TBC1D2B: variants seen among roughly 807,000 people sequenced by gnomAD.
TBC1D2B encodes TBC1 domain family member 2B, also known as TBC1 domain family, member 2B.
In TBC1D2B, 64 loss-of-function variants were observed where a neutral mutation model predicts 100.8. The ratio of observed to expected loss-of-function variants is 0.64; its 90% CI spans 0.52 to 0.78. TBC1D2B has a LOEUF of 0.78. Among genes scored for constraint, TBC1D2B ranks in the 30% least tolerant of loss-of-function variants. The pLI is 0.00. For missense variants in TBC1D2B, 1,052 were observed against 1,218.4 expected (o/e 0.86, Z 2.03); for synonymous variants, 480 against 479.7 (o/e 1.00, Z -0.01).
At chr15:78,053,475 C>T (rs1248793401) in intron 2 of TBC1D2B, among the ~76,000 whole-genome samples, 2 of 152,178 alleles carry the variant, frequency 1.3e-5, no homozygotes, top group Admixed American at 1.3e-4. Flanking sequence ...GGATGGGCAG[C>T]AAATAATTGT....
intron 1 of TBC1D2B, among the ~76,000 whole-genome samples, chr15:78,056,686 C>CTTTTTTTTTTT (rs368714497): frequency 2.0e-4 from 23 of 112,916 alleles, no homozygotes; most frequent in African/African-American, 7.5e-4. Context: ...CAGTCCTCCT[C>CTTTTTTTTTTT]TTTTTTTTTT....
chr15:78,053,304 T>C (rs2073353960), intron 2 of TBC1D2B, among the ~76,000 whole-genome samples: 1 of 152,224 alleles, frequency 6.6e-6, no homozygotes, highest in Admixed American at 6.5e-5. Flanking sequence ...CCGTGTGTCT[T>C]CCAAAAATAC....
intron 1 of TBC1D2B, among the ~76,000 whole-genome samples, chr15:78,072,245 G>A (rs2073752587): frequency 6.6e-6 from 1 of 152,220 alleles, no homozygotes; most frequent in Non-Finnish European, 1.5e-5. Flanking sequence ...GCAGGAAATA[G>A]GATGGAGACT....
At chr15:78,023,865 T>C (rs1483557103) in intron 6 of TBC1D2B, among the ~76,000 whole-genome samples, 1 of 152,164 alleles carries the variant, frequency 6.6e-6, no homozygotes, top group South Asian at 2.1e-4. Context: ...ATACAAGGGA[T>C]AATGAAGTAC....
chr15:78,019,224 A>G (rs755986622), intron 6 of TBC1D2B, among the ~76,000 whole-genome samples: 1 of 152,250 alleles, frequency 6.6e-6, no homozygotes, highest in Non-Finnish European at 1.5e-5. Flanking sequence ...ACTAACATTT[A>G]CGGAGCACTT....
intron 1 of TBC1D2B, among the ~76,000 whole-genome samples, chr15:78,068,418 C>T (rs1021366191): frequency 6.6e-6 from 1 of 150,812 alleles, no homozygotes; most frequent in Non-Finnish European, 1.5e-5. Flanking sequence ...CACACACACA[C>T]ACAGAGGATA....
chr15:77,998,186 C>T lies in TBC1D2B; in HGVS notation c.2866G>A (p.Val956Ile), dbSNP rs1236380215. 1 of 1,552,352 alleles carries T rather than the reference C, an allele frequency of 6.4e-7. No homozygotes were observed. Among genetic ancestry groups the T allele is most frequent in the Non-Finnish European group, 8.7e-7 (1 of 1,147,614 alleles). The change falls in exon 13 of 13, where the codon GTC (valine) becomes ATC (isoleucine). Residue 956 changes from valine to isoleucine, a missense_variant. Val to Ile is a conservative substitution (Grantham distance 29, BLOSUM62 3). Around this residue, in one of 4 missense-constraint regions of TBC1D2B, gnomAD observed 47 missense variants for 88.3 expected, o/e 0.53. Transcript: ENST00000300584. ...CAGGTATCCTCCTCCTCGTCACTGA[C>T]CAGCTCACCCTTGTCAGGGCTGGTG... ...RDTSPDKGEL[V>I]SDEEEDT
At chr15:78,006,320 C>T (rs981326300) in intron 10 of TBC1D2B, among the ~76,000 whole-genome samples, 11 of 152,234 alleles carry the variant, frequency 7.2e-5, no homozygotes, top group Admixed American at 3.9e-4. Flanking sequence ...CTTTACTGAC[C>T]CTCTAATCCC....
At chr15:78,030,809 T>C (rs1230784334) in intron 3 of TBC1D2B, among the ~76,000 whole-genome samples, 1 of 151,954 alleles carries the variant, frequency 6.6e-6, no homozygotes. Context: ...TAGAAAAAAA[T>C]AAAAAGGTAC....
Position 78,024,424 on chromosome 15 carries a change from T to C in TBC1D2B, c.1202A>G (p.Lys401Arg), listed in dbSNP as rs762638907. 6.2e-7 allele frequency: 1 copy of C among 1,614,066 alleles called. No homozygotes were observed. The highest frequency in any genetic ancestry group is 1.1e-5 in the South Asian group (1 of 91,090). The change falls in exon 6 of 13, where the codon AAG (lysine) becomes AGG (arginine). Residue 401 changes from lysine to arginine, a missense_variant. Physicochemically the swap from Lys to Arg is conservative, Grantham distance 26. Around this residue, in one of 4 missense-constraint regions of TBC1D2B, gnomAD observed 627 missense variants for 646.1 expected, o/e 0.97. Transcript: ENST00000300584. ...PKDTLELLHQ[K>R]DDQILGLTSQ... is the part of the protein sequence containing the mutation. ...GGTAAGGCCCAGAATCTGATCATCC[T>C]TTTGGTGCAGAAGCTCGAGCGTGTC...
In TBC1D2B at chr15:78,053,972, A is replaced by G. The variant is rs189508606; in HGVS notation, c.514+62T>C. The G allele has an allele frequency of 7.1e-4, 1,066 of 1,500,798 alleles. 5 individuals carry two copies. The highest frequency in any genetic ancestry group is 3.2e-3 in the Middle Eastern group (16 of 5,076). The allele number at this position is 1,500,798 out of a possible 1,614,324, so 93.0% of individuals were successfully genotyped here. A position where few individuals can be genotyped will look rare whatever the true frequency, so the allele number is the denominator to read the frequency against. ...TTCATTTTCATTCACTGCTAAGTTC[A>G]TATGTGGTATCGAATGGCTTACACA... is the stretch of plus-strand genomic sequence containing the variant. On this transcript the variant is annotated intron_variant, in intron 2 of 12. Coordinates refer to ENST00000300584, the MANE Select transcript of TBC1D2B (RefSeq NM_144572.2).
intron 2 of TBC1D2B, 44 bp from the exon 3 acceptor site, chr15:78,045,112 C>A: frequency 6.4e-7 from 1 of 1,557,680 alleles, no homozygotes; most frequent in African/African-American, 1.4e-5. Context: ...AAAGCTTCCA[C>A]ACGAAACTTG....
chr15:78,077,019 G>C (rs2073839044), intron 1 of TBC1D2B, among the ~76,000 whole-genome samples: 1 of 152,248 alleles, frequency 6.6e-6, no homozygotes, highest in South Asian at 2.1e-4. Context: ...GGAGACACCA[G>C]AGACTGGCCC....
At chr15:78,067,281 T>G (rs1007944820) in intron 1 of TBC1D2B, among the ~76,000 whole-genome samples, 1 of 152,142 alleles carries the variant, frequency 6.6e-6, no homozygotes, top group African/African-American at 2.4e-5. Context: ...GCAAAAATAA[T>G]GAATGCCTTC....
chr15:78,051,257 C>T (rs2073307358), intron 2 of TBC1D2B, among the ~76,000 whole-genome samples: 1 of 152,198 alleles, frequency 6.6e-6, no homozygotes, highest in African/African-American at 2.4e-5. Flanking sequence ...ATGATATCAT[C>T]TCATATATAT....
At chr15:78,036,569 G>T (rs892286535) in intron 3 of TBC1D2B, among the ~76,000 whole-genome samples, 14 of 152,150 alleles carry the variant, frequency 9.2e-5, no homozygotes, top group African/African-American at 3.4e-4. Context: ...GCAGCCACAG[G>T]CCAAGGAATA....
chr15:78,001,996 T>C, intron 11 of TBC1D2B: 1 of 264,686 alleles, frequency 3.8e-6, no homozygotes. Context: ...AGGAGATCTT[T>C]GTGGAATCCT....
intron 3 of TBC1D2B, among the ~76,000 whole-genome samples, chr15:78,037,202 C>T (rs2072964397): frequency 6.6e-6 from 1 of 152,148 alleles, no homozygotes; most frequent in Non-Finnish European, 1.5e-5. Flanking sequence ...TCCTCAGCTC[C>T]TCTTCTATCC....
rs1018922193 is a variant in TBC1D2B, at chr15:77,996,721, A to C, written c.*1439T>G. 2.0e-5 allele frequency: 3 copies of C among 152,206 alleles called. No individual in the cohort carries two copies. Among genetic ancestry groups the C allele is most frequent in the African/African-American group, 7.2e-5 (3 of 41,436 alleles). The allele number at this position is 152,206 out of a possible 1,614,324, so 9.4% of individuals were successfully genotyped here. A position where few individuals can be genotyped will look rare whatever the true frequency, so the allele number is the denominator to read the frequency against. On this transcript the variant is annotated 3_prime_UTR_variant, in exon 13 of 13. Transcript: ENST00000300584. ...AAAGTTGACAGCAAAAAATAGGAAA[A>C]ATACTTCTTAAAACTGCATTGCTTC...
Sources: gnomAD v4.1 joint callset for allele counts (sites outside exome capture counted in the v4.1 genomes callset) on GRCh38, gnomAD v4.1.1 for gene constraint, gnomAD v4.1.1 regional missense constraint, MANE v1.5 for transcripts, NCBI Gene and HGNC (gene_info 2026-07-23, HGNC 2026-07-21) for gene names.